Variants in KIF13B observed in about 807,000 individuals in gnomAD.
The protein encoded by KIF13B is kinesin family member 13B, also known as kinesin-like protein KIF13B.
Under a neutral mutation model 222.0 loss-of-function variants are expected in KIF13B, and 127 were observed. The ratio of observed to expected loss-of-function variants is 0.57; its 90% CI spans 0.50 to 0.66. The LOEUF (loss-of-function observed/expected upper bound fraction) is 0.66, where lower values mean the gene tolerates loss of function less well. KIF13B is among the 30% of genes least tolerant of loss of function. The pLI is 0.00. For synonymous variants in KIF13B, 976 were observed against 919.0 expected (o/e 1.06, Z -1.12); for missense variants, 2,173 against 2,379.0 (o/e 0.91, Z 1.80).
chr8:29,116,468 TA>T (rs891005116), intron 31 of KIF13B, among the ~76,000 whole-genome samples: 27 of 147,498 alleles, frequency 1.8e-4, no homozygotes, highest in African/African-American at 4.2e-4. Flanking sequence ...GACTCTATCT[TA>T]AAAAAAAAAG....
At chr8:29,195,912 C>T (rs951484833) in intron 3 of KIF13B, among the ~76,000 whole-genome samples, 3 of 152,314 alleles carry the variant, frequency 2.0e-5, no homozygotes, top group Non-Finnish European at 2.9e-5. Flanking sequence ...TTTGGAACTA[C>T]CAGTCTTGAG....
At chr8:29,157,392 CAAAAAAAAAAAAA>C (rs371702237) in intron 13 of KIF13B, among the ~76,000 whole-genome samples, 10 of 89,184 alleles carry the variant, frequency 1.1e-4, no homozygotes, top group African/African-American at 4.4e-4. Flanking sequence ...TCGTCTCTAC[CAAAAAAAAAAAAA>C]AAAAAAAAAA....
intron 8 of KIF13B, among the ~76,000 whole-genome samples, chr8:29,179,718 C>T (rs574582047): frequency 2.0e-5 from 3 of 152,284 alleles, no homozygotes; most frequent in African/African-American, 7.2e-5. Context: ...CAGGGTGCTA[C>T]GAGGCAGCAG....
chr8:29,070,313 C>A lies in KIF13B; in HGVS notation c.*191G>T. The A allele has an allele frequency of 1.6e-6, 1 of 641,654 alleles. No homozygotes were observed. The highest frequency in any genetic ancestry group is 2.6e-6 in the Non-Finnish European group (1 of 379,460). 39.7% of individuals were successfully genotyped at this position (641,654 alleles called of 1,614,324 possible). On this transcript the variant is annotated 3_prime_UTR_variant, in exon 40 of 40. Transcript: ENST00000524189. This position sits in a 1 kb window ranked among gnomAD's most constrained non-coding sequence, Gnocchi z 4.1. ...TGAGGAGGCACAGTTGAGGCCCCCACTTTACCCGGGTACAGAAGAAACAAA... is the reference window on the plus strand; with the variant it reads ...TGAGGAGGCACAGTTGAGGCCCCCAATTTACCCGGGTACAGAAGAAACAAA...
intron 10 of KIF13B, among the ~76,000 whole-genome samples, chr8:29,175,347 T>A (rs1812430390): frequency 6.6e-6 from 1 of 152,176 alleles, no homozygotes; most frequent in South Asian, 2.1e-4. Flanking sequence ...CTGTCATGGA[T>A]CTATCACAAA....
chr8:29,164,577 C>G (rs997580375), intron 12 of KIF13B, among the ~76,000 whole-genome samples: 3 of 152,150 alleles, frequency 2.0e-5, no homozygotes, highest in African/African-American at 7.2e-5. Context: ...ACACTTAACG[C>G]TCTTAGCTAC....
intron 38 of KIF13B, 70 bp from the exon 39 acceptor site, chr8:29,072,386 G>T: frequency 8.8e-7 from 1 of 1,134,810 alleles, no homozygotes; most frequent in South Asian, 2.6e-5. Context: ...AGGCAGCTTT[G>T]ACTTGGAAAA....
chr8:29,143,244 C>T lies in KIF13B; in HGVS notation c.2188-941G>A, dbSNP rs116276742. Among the ~76,000 whole-genome samples, 411 of 152,286 alleles carry T rather than the reference C, an allele frequency of 2.7e-3. 3 individuals are homozygous for T. Among genetic ancestry groups the T allele is most frequent in the African/African-American group, 9.6e-3 (397 of 41,564 alleles). ...AATAAAAGTATTTTATTCAGGCCAC[C>T]ATATGACCACAACGTTATCAATGGG... is the stretch of plus-strand genomic sequence containing the variant. On this transcript the variant is annotated intron_variant, in intron 18 of 39. Coordinates refer to ENST00000524189, the MANE Select transcript of KIF13B (RefSeq NM_015254.4).
chr8:29,158,962 T>C (rs1212335863), intron 13 of KIF13B, among the ~76,000 whole-genome samples: 2 of 152,304 alleles, frequency 1.3e-5, no homozygotes, highest in East Asian at 3.9e-4. Flanking sequence ...TACAGTACAA[T>C]GCAAAGAAAA....
intron 2 of KIF13B, among the ~76,000 whole-genome samples, chr8:29,235,693 T>C (rs1223737467): frequency 6.6e-6 from 1 of 152,134 alleles, no homozygotes; most frequent in African/African-American, 2.4e-5. Context: ...GGGATAAACA[T>C]ATAAAAGATG....
At chr8:29,193,279 ATATC>A (rs1813270806) in intron 3 of KIF13B, among the ~76,000 whole-genome samples, 1 of 152,202 alleles carries the variant, frequency 6.6e-6, no homozygotes, top group Non-Finnish European at 1.5e-5. Flanking sequence ...GCTAAAACGT[ATATC>A]TATCAGCAGT....
intron 32 of KIF13B, among the ~76,000 whole-genome samples, chr8:29,112,051 G>A (rs1809380511): frequency 6.6e-6 from 1 of 152,164 alleles, no homozygotes; most frequent in Admixed American, 6.5e-5. Flanking sequence ...CAAAGATCCA[G>A]GAAAGAACTA....
Position 29,165,752 on chromosome 8 carries a change from T to C in KIF13B, c.1179A>G (p.Leu393=), listed in dbSNP as rs757368483. Residue 393 remains leucine, a synonymous_variant, in exon 12 of 40, where the codon CTA becomes CTG. Transcript: ENST00000524189. ...TKAEAMKSPE[L]KDRLEESEKL... ...TCTCAGATTCTTCCAGCCGGTCCTT[T>C]AGCTCTGGAGATTTCATTGCCTACA... 3.1e-6 allele frequency: 5 copies of C among 1,613,264 alleles called. No individual in the cohort carries two copies. The highest frequency in any genetic ancestry group is 4.2e-6 in the Non-Finnish European group (5 of 1,179,204).
At chr8:29,134,599 C>A (rs762525295) in intron 21 of KIF13B, among the ~76,000 whole-genome samples, 2 of 152,138 alleles carry the variant, frequency 1.3e-5, no homozygotes, top group Non-Finnish European at 2.9e-5. Flanking sequence ...ACAAGGTTGT[C>A]AGGCATAGCG....
At chr8:29,168,695 C>T (rs188166849) in intron 10 of KIF13B, among the ~76,000 whole-genome samples, 17 of 152,290 alleles carry the variant, frequency 1.1e-4, no homozygotes, top group South Asian at 4.1e-4. Context: ...GCAGACACCT[C>T]CCCACACCGG....
At position 29,072,086 on chromosome 8, in the gene KIF13B, G is replaced by A. The variant is rs775806543; in HGVS notation, c.4752C>T (p.Pro1584=). 4 of 1,341,462 alleles carry A rather than the reference G, an allele frequency of 3.0e-6. No homozygotes were observed. Among genetic ancestry groups the A allele is most frequent in the East Asian group, 6.2e-5 (2 of 32,238 alleles). 83.1% of individuals were successfully genotyped at this position (1,341,462 alleles called of 1,614,324 possible). ...CCGGCGGGGCCGCAGCGTCCAGGCC[G>A]GGGCCCAGGGCGTCCGACAGGGTCG... ...STATLSDALG[P]GLDAAAPPGS... The change falls in exon 39 of 40, where the codon CCC becomes CCT. Residue 1584 remains proline, a synonymous_variant. Coordinates refer to ENST00000524189, the MANE Select transcript of KIF13B (RefSeq NM_015254.4).
chr8:29,254,456 C>G (rs1816396882), intron 1 of KIF13B, among the ~76,000 whole-genome samples: 1 of 152,132 alleles, frequency 6.6e-6, no homozygotes, highest in Non-Finnish European at 1.5e-5. Flanking sequence ...AGAAGTCTTA[C>G]AACTCAGTAA....
Position 29,068,796 on chromosome 8 carries a change from G to T in KIF13B, c.*1708C>A. The T allele has an allele frequency of 6.6e-6, 1 of 152,472 alleles. No individual in the cohort carries two copies. 9.4% of individuals were successfully genotyped at this position (152,472 alleles called of 1,614,324 possible). On this transcript the variant is annotated 3_prime_UTR_variant, in exon 40 of 40. Transcript: ENST00000524189. This position sits in a 1 kb window ranked among gnomAD's most constrained non-coding sequence, Gnocchi z 4.4. ...GTTTTAAAAAGAAAGCCGCTGTGCT[G>T]GGAAGCGGGTTGAGTTAAAGGGCAA...
chr8:29,144,307 C>G (rs147747267), intron 18 of KIF13B, among the ~76,000 whole-genome samples: 4,556 of 152,116 alleles, frequency 0.03, 235 homozygotes, highest in African/African-American at 0.1. Flanking sequence ...GTCGCCCAGG[C>G]TGGGGTGCAG....
Sources: allele counts gnomAD v4.1 joint callset (sites outside exome capture counted in the v4.1 genomes callset), GRCh38; gene constraint gnomAD v4.1.1; non-coding constraint Gnocchi (gnomAD v3.1); transcripts MANE v1.5; gene names NCBI Gene and HGNC (gene_info 2026-07-23, HGNC 2026-07-21).